FARP1: variants seen among roughly 807,000 people sequenced by gnomAD.
FARP1 encodes FERM, ARHGEF and pleckstrin domain-containing protein 1.
A neutral mutation model predicts 128.8 loss-of-function variants in FARP1; 52 were observed. The observed-to-expected ratio is 0.40, with a 90% CI of 0.32 to 0.51. FARP1 has a LOEUF of 0.51. FARP1 is among the 20% of genes least tolerant of loss of function. FARP1 has a pLI of 0.45. For missense variants in FARP1, 1,333 were observed against 1,367.9 expected (o/e 0.97, Z 0.40); for synonymous variants, 580 against 551.8 (o/e 1.05, Z -0.72).
chr13:98,406,774 C>G (rs1387190170), intron 13 of FARP1: 2 of 152,312 alleles, frequency 1.3e-5, no homozygotes, highest in Non-Finnish European at 1.5e-5. Flanking sequence ...CGTGGCACGC[C>G]TTCTTGGCGA....
chr13:98,367,892 C>T (rs1889166636), intron 4 of FARP1, among the ~76,000 whole-genome samples: 1 of 152,094 alleles, frequency 6.6e-6, no homozygotes, highest in African/African-American at 2.4e-5. Context: ...CTATGTAGTA[C>T]TTTTGTCACA....
At chr13:98,268,433 A>G (rs1049028530) in intron 2 of FARP1, among the ~76,000 whole-genome samples, 1 of 152,188 alleles carries the variant, frequency 6.6e-6, no homozygotes, top group Non-Finnish European at 1.5e-5. Context: ...CCACTCCCCA[A>G]AGCACATCTA....
At chr13:98,295,546 C>T (rs1885650219) in intron 2 of FARP1, among the ~76,000 whole-genome samples, 1 of 152,198 alleles carries the variant, frequency 6.6e-6, no homozygotes, top group Non-Finnish European at 1.5e-5. Flanking sequence ...AAAATAACCT[C>T]CCAGTCCCCC....
chr13:98,448,180 A>C, intron 26 of FARP1, 56 bp from the exon 27 acceptor site: 2 of 1,436,738 alleles, frequency 1.4e-6, no homozygotes, highest in Non-Finnish European at 2.0e-6. Flanking sequence ...TGCCCACCAA[A>C]GTGTCAGGAG....
chr13:98,185,695 G>A lies in FARP1; in HGVS notation c.-23-27525G>A, dbSNP rs1878816428. ...GGTAAAATATGCATAAAATTTGATGGGTTTGTTTGTTTGTTTTTTTGAGAT... is the reference window on the plus strand; with the variant it reads ...GGTAAAATATGCATAAAATTTGATGAGTTTGTTTGTTTGTTTTTTTGAGAT... On this transcript the variant is annotated intron_variant, in intron 1 of 26. Coordinates refer to ENST00000319562, the MANE Select transcript of FARP1 (RefSeq NM_005766.4). Among the ~76,000 whole-genome samples, 8 of 151,566 alleles carry A rather than the reference G, an allele frequency of 5.3e-5. No individual in the cohort carries two copies. The South Asian group carries it at 1.7e-3, about 32-fold the overall frequency.
At chr13:98,292,888 G>A (rs1009552677) in intron 2 of FARP1, among the ~76,000 whole-genome samples, 1 of 152,124 alleles carries the variant, frequency 6.6e-6, no homozygotes, top group African/African-American at 2.4e-5. Flanking sequence ...GACAGTAACA[G>A]TGTACTGAGC....
intron 2 of FARP1, among the ~76,000 whole-genome samples, chr13:98,231,487 G>C (rs776025672): frequency 3.3e-5 from 5 of 152,066 alleles, no homozygotes; most frequent in African/African-American, 1.2e-4. Context: ...GCCCAAGCTG[G>C]AGTGCAGTGG....
chr13:98,275,934 T>C (rs1379787107), intron 2 of FARP1, among the ~76,000 whole-genome samples: 1 of 152,262 alleles, frequency 6.6e-6, no homozygotes, highest in Non-Finnish European at 1.5e-5. Context: ...GGAAAAATTA[T>C]GATCTGTGTG....
At chr13:98,430,378 T>A (rs1891964944) in intron 17 of FARP1, among the ~76,000 whole-genome samples, 1 of 152,236 alleles carries the variant, frequency 6.6e-6, no homozygotes, top group Non-Finnish European at 1.5e-5. Context: ...TCCCCTGTCC[T>A]CTGCTCTCCC....
chr13:98,447,023 C>A, intron 26 of FARP1: 1 of 561,860 alleles, frequency 1.8e-6, no homozygotes, highest in Non-Finnish European at 3.2e-6. Flanking sequence ...GCGCCCTTAC[C>A]CTGCACGGTG....
chr13:98,264,314 A>G (rs1309278947), intron 2 of FARP1, among the ~76,000 whole-genome samples: 1 of 152,202 alleles, frequency 6.6e-6, no homozygotes, highest in Non-Finnish European at 1.5e-5. Flanking sequence ...AAATTCCAGA[A>G]CTAAGCAATT....
At chr13:98,205,478 C>T (rs1880212465) in intron 1 of FARP1, among the ~76,000 whole-genome samples, 1 of 151,150 alleles carries the variant, frequency 6.6e-6, no homozygotes, top group Non-Finnish European at 1.5e-5. Context: ...CTGCAAGCTC[C>T]ACCTCCCGGG....
At chr13:98,432,764 G>T (rs1484578003) in intron 18 of FARP1, 1 of 146,494 alleles carries the variant, frequency 6.8e-6, no homozygotes, top group African/African-American at 2.7e-5. Flanking sequence ...TGCGCAGCGA[G>T]CACCTGTACT....
intron 1 of FARP1, among the ~76,000 whole-genome samples, chr13:98,165,874 C>T (rs1164515235): frequency 3.3e-5 from 5 of 151,734 alleles, no homozygotes; most frequent in African/African-American, 7.3e-5. Context: ...CACACCACCA[C>T]GCCTGGCTAA....
chr13:98,372,094 T>TC (rs1889362469), intron 5 of FARP1, among the ~76,000 whole-genome samples: 1 of 146,156 alleles, frequency 6.8e-6, no homozygotes, highest in African/African-American at 2.5e-5. Flanking sequence ...TTTTTTTTTT[T>TC]TTTTTTTTTG....
At chr13:98,372,295 C>T (rs1276677669) in intron 5 of FARP1, among the ~76,000 whole-genome samples, 1 of 151,370 alleles carries the variant, frequency 6.6e-6, no homozygotes, top group African/African-American at 2.4e-5. Flanking sequence ...CCATATTGGC[C>T]AGGCTGGTCT....
intron 17 of FARP1, among the ~76,000 whole-genome samples, chr13:98,429,248 TG>T (rs1566312721): frequency 6.6e-6 from 1 of 152,006 alleles, no homozygotes; most frequent in African/African-American, 2.4e-5. Context: ...CCCCGAGGGA[TG>T]GGGGGTCCTC....
At chr13:98,284,708 G>A (rs1885085187) in intron 2 of FARP1, among the ~76,000 whole-genome samples, 2 of 152,114 alleles carry the variant, frequency 1.3e-5, no homozygotes, top group Admixed American at 6.5e-5. Context: ...ATTTGCAAGT[G>A]AAGTTTGTTT....
chr13:98,166,648 C>T (rs1877282228), intron 1 of FARP1, among the ~76,000 whole-genome samples: 1 of 152,042 alleles, frequency 6.6e-6, no homozygotes, highest in Non-Finnish European at 1.5e-5. Flanking sequence ...GCTGTTTTTC[C>T]CAAACCGGAA....
Sources: gnomAD v4.1 joint callset for allele counts (sites outside exome capture counted in the v4.1 genomes callset) on GRCh38, gnomAD v4.1.1 for gene constraint, MANE v1.5 for transcripts, NCBI Gene and HGNC (gene_info 2026-07-23, HGNC 2026-07-21) for gene names.